EXOC4: variants seen among roughly 807,000 people sequenced by gnomAD.
EXOC4 encodes SEC8-like 1.
Under a neutral mutation model 107.2 loss-of-function variants are expected in EXOC4, and 71 were observed. The ratio of observed to expected loss-of-function variants is 0.66; its 90% CI spans 0.55 to 0.81. EXOC4 has a LOEUF of 0.81. Among genes scored for constraint, EXOC4 ranks in the 30% least tolerant of loss-of-function variants. The pLI is 0.00. For synonymous variants in EXOC4, 456 were observed against 441.2 expected (o/e 1.03, Z -0.42); for missense variants, 1,108 against 1,189.6 (o/e 0.93, Z 1.01).
intron 5 of EXOC4, among the ~76,000 whole-genome samples, chr7:133,335,748 G>T (rs1795497897): frequency 6.6e-6 from 1 of 151,966 alleles, no homozygotes; most frequent in South Asian, 2.1e-4. Context: ...AATTTTCTGG[G>T]GATCTGCCAT....
At chr7:133,855,165 A>ATATT (rs1563028697) in intron 11 of EXOC4, among the ~76,000 whole-genome samples, 2 of 136,608 alleles carry the variant, frequency 1.5e-5, no homozygotes, top group African/African-American at 5.9e-5. Flanking sequence ...AAATATATAT[A>ATATT]TTTTTTTTAT....
intron 3 of EXOC4, among the ~76,000 whole-genome samples, chr7:133,299,533 T>A (rs1169420821): frequency 2.0e-5 from 3 of 152,312 alleles, no homozygotes; most frequent in East Asian, 3.9e-4. Flanking sequence ...TGCTTAAGAA[T>A]AGCTTAATAA....
At chr7:133,472,598 C>T (rs1174594255) in intron 7 of EXOC4, among the ~76,000 whole-genome samples, 1 of 152,026 alleles carries the variant, frequency 6.6e-6, no homozygotes, top group Non-Finnish European at 1.5e-5. Context: ...AGATGTGGGA[C>T]TGGAGCTCAG....
At chr7:133,384,015 T>A (rs1796673763) in intron 7 of EXOC4, among the ~76,000 whole-genome samples, 1 of 152,174 alleles carries the variant, frequency 6.6e-6, no homozygotes, top group African/African-American at 2.4e-5. Context: ...AGTTTGTTTC[T>A]GTAGCACCAG....
In EXOC4 at chr7:133,319,755, C is replaced by T. The variant is rs982739454; in HGVS notation, c.763+2365C>T. On this transcript the variant is annotated intron_variant, in intron 5 of 17. Coordinates refer to ENST00000253861, the MANE Select transcript of EXOC4 (RefSeq NM_021807.4). ...TTGGCCTCCCAAAGTGTTTGGATTA[C>T]AGTCATGAGCTACCATGCCTGGCCA... Among the ~76,000 whole-genome samples the T allele has an allele frequency of 2.0e-5, 3 of 151,568 alleles. No homozygotes were observed. The South Asian group carries it at 6.3e-4, about 32-fold the overall frequency.
At chr7:133,801,563 C>T (rs111429328) in intron 10 of EXOC4, among the ~76,000 whole-genome samples, 115 of 152,252 alleles carry the variant, frequency 7.6e-4, no homozygotes, top group African/African-American at 2.6e-3. Context: ...GCGGGGGGCT[C>T]TGCAGTGAAA....
chr7:133,481,609 A>T (rs1584950653), intron 9 of EXOC4, among the ~76,000 whole-genome samples: 1 of 152,188 alleles, frequency 6.6e-6, no homozygotes, highest in African/African-American at 2.4e-5. Flanking sequence ...GTACTCTCTC[A>T]TATTTATATC....
chr7:133,758,656 G>A (rs545857240), intron 10 of EXOC4, among the ~76,000 whole-genome samples: 2 of 152,280 alleles, frequency 1.3e-5, no homozygotes, highest in South Asian at 2.1e-4. Flanking sequence ...CTTATATTTC[G>A]AGAATGCATA....
chr7:134,079,523 C>T, the EXOC4 span, among the ~76,000 whole-genome samples: 1 of 152,156 alleles, frequency 6.6e-6, no homozygotes, highest in Non-Finnish European at 1.5e-5. Flanking sequence ...TTAACCATCC[C>T]TCCAGTACTA....
intron 5 of EXOC4, among the ~76,000 whole-genome samples, chr7:133,336,381 A>G (rs753370763): frequency 1.3e-5 from 2 of 152,092 alleles, no homozygotes; most frequent in African/African-American, 2.4e-5. Flanking sequence ...GTCAGGGTCT[A>G]TGCTCATATA....
intron 6 of EXOC4, among the ~76,000 whole-genome samples, chr7:133,367,983 A>G (rs957879018): frequency 2.8e-4 from 42 of 152,284 alleles, no homozygotes; most frequent in African/African-American, 9.1e-4. Flanking sequence ...AGGACCCCAG[A>G]TCATCATCTT....
intron 14 of EXOC4, among the ~76,000 whole-genome samples, chr7:133,954,088 G>C (rs1223834802): frequency 6.6e-6 from 1 of 152,166 alleles, no homozygotes; most frequent in African/African-American, 2.4e-5. Flanking sequence ...ACATTTTCTA[G>C]TTTTTACTAA....
intron 9 of EXOC4, among the ~76,000 whole-genome samples, chr7:133,554,519 A>C (rs1800655445): frequency 6.6e-6 from 1 of 152,174 alleles, no homozygotes. Context: ...AATGCTACTA[A>C]ATTGATGCCT....
intron 7 of EXOC4, among the ~76,000 whole-genome samples, chr7:133,381,964 C>A (rs902407501): frequency 2.6e-5 from 4 of 152,078 alleles, no homozygotes; most frequent in Non-Finnish European, 1.5e-5. Context: ...GAAACAAGAA[C>A]TCTGGGGGCG....
intron 9 of EXOC4, among the ~76,000 whole-genome samples, chr7:133,501,626 G>A (rs1183552067): frequency 6.6e-6 from 1 of 152,074 alleles, no homozygotes; most frequent in Non-Finnish European, 1.5e-5. Context: ...TGGTTTCTAG[G>A]GGAAAAAATG....
intron 10 of EXOC4, among the ~76,000 whole-genome samples, chr7:133,649,443 G>A (rs932642498): frequency 6.9e-6 from 1 of 144,466 alleles, no homozygotes; most frequent in African/African-American, 2.6e-5. Flanking sequence ...AGACCCTACT[G>A]TGTGTGAAGC....
intron 9 of EXOC4, among the ~76,000 whole-genome samples, chr7:133,514,505 A>G (rs756669243): frequency 1.3e-5 from 2 of 152,170 alleles, no homozygotes; most frequent in East Asian, 1.9e-4. Flanking sequence ...CTTTTTCTCC[A>G]TGTAATTTCT....
At chr7:133,785,296 TAA>T (rs34697983) in intron 10 of EXOC4, among the ~76,000 whole-genome samples, 7 of 151,720 alleles carry the variant, frequency 4.6e-5, no homozygotes, top group South Asian at 2.1e-4. Flanking sequence ...TTTTAAATAT[TAA>T]AAAAAAAATC....
In EXOC4 at chr7:133,356,527, A is replaced by C. The variant is rs1233209502; in HGVS notation, c.961A>C (p.Ser321Arg). The change falls in exon 6 of 18, where the codon AGT (serine) becomes CGT (arginine). Residue 321 changes from serine (S) to arginine (R), a missense_variant. Ser to Arg is a moderately radical substitution (Grantham distance 110, BLOSUM62 -1). Coordinates refer to ENST00000253861, the MANE Select transcript of EXOC4 (RefSeq NM_021807.4). ...VKRSTTQVAD[S>R]GYQRGENVTV... ...GAGGTCTACAACCCAGGTGGCAGAC[A>C]GTGGCTATCAGCGGGGGGAGAACGT... The C allele has an allele frequency of 6.2e-7, 1 of 1,613,998 alleles. No homozygotes were observed.
Sources: allele counts gnomAD v4.1 joint callset (sites outside exome capture counted in the v4.1 genomes callset), GRCh38; gene constraint gnomAD v4.1.1; transcripts MANE v1.5; gene names NCBI Gene and HGNC (gene_info 2026-07-23, HGNC 2026-07-21).